The following CACNA1C variants were observed in gnomAD, a reference collection of about 807,000 sequenced individuals.
CACNA1C encodes voltage-dependent L-type calcium channel subunit alpha-1C.
CACNA1C carries 30 observed loss-of-function variants against 229.0 expected under a neutral mutation model. That is an observed-to-expected ratio of 0.13 (90% CI 0.10 to 0.18). CACNA1C has a LOEUF of 0.18. Among genes scored for constraint, CACNA1C ranks in the 10% least tolerant of loss-of-function variants. The pLI, the probability that CACNA1C is intolerant of heterozygous loss-of-function variation, is 1.00. For missense variants in CACNA1C, 1,658 were observed against 2,845.0 expected (o/e 0.58, Z 9.49); for synonymous variants, 1,114 against 1,132.5 (o/e 0.98, Z 0.33).
intron 5 of CACNA1C, among the ~76,000 whole-genome samples, chr12:2,458,154 T>A (rs1027177875): frequency 6.6e-6 from 1 of 152,252 alleles, no homozygotes; most frequent in Non-Finnish European, 1.5e-5. Context: ...AGTTCTGTTT[T>A]GACCTTTCTC....
chr12:2,255,273 A>C (rs2076987553), intron 3 of CACNA1C, among the ~76,000 whole-genome samples: 1 of 152,062 alleles, frequency 6.6e-6, no homozygotes, highest in African/African-American at 2.4e-5. Flanking sequence ...CTGCAGAAAA[A>C]AAAAAAAAAA....
intron 1 of CACNA1C, among the ~76,000 whole-genome samples, chr12:2,097,541 C>T (rs1460577290): frequency 3.3e-5 from 5 of 152,220 alleles, no homozygotes; most frequent in Non-Finnish European, 7.3e-5. Flanking sequence ...TCCAATTTTT[C>T]CACATGATTG....
chr12:2,049,933 C>CT (rs758672559), upstream of CACNA1C, among the ~76,000 whole-genome samples: 30 of 152,120 alleles, frequency 2.0e-4, no homozygotes, highest in Non-Finnish European at 3.7e-4. Flanking sequence ...TAGGAAATAC[C>CT]TTTTTCTGGA....
chr12:2,084,433 T>A (rs191327722), intron 1 of CACNA1C, among the ~76,000 whole-genome samples: 2 of 152,364 alleles, frequency 1.3e-5, no homozygotes, highest in East Asian at 3.9e-4. Flanking sequence ...TTACTTCATT[T>A]TCTTATAGCC....
intron 3 of CACNA1C, among the ~76,000 whole-genome samples, chr12:2,362,078 A>G (rs1316333551): frequency 6.6e-6 from 1 of 152,232 alleles, no homozygotes; most frequent in East Asian, 1.9e-4. Context: ...TTTAGTACCT[A>G]GCACACAGCT....
chr12:2,331,016 A>G (rs1226694654), intron 3 of CACNA1C, among the ~76,000 whole-genome samples: 1 of 152,156 alleles, frequency 6.6e-6, no homozygotes, highest in Non-Finnish European at 1.5e-5. Flanking sequence ...CAAACAATAA[A>G]TTTGGGAAAG....
intron 3 of CACNA1C, among the ~76,000 whole-genome samples, chr12:2,399,464 G>A (rs1418592734): frequency 6.6e-6 from 1 of 152,188 alleles, no homozygotes; most frequent in African/African-American, 2.4e-5. Context: ...AAAGGGGATG[G>A]AGTGGGAAGA....
intron 1 of CACNA1C, among the ~76,000 whole-genome samples, chr12:1,999,486 C>A (rs2041687375): frequency 6.6e-6 from 1 of 152,146 alleles, no homozygotes. Flanking sequence ...CTGAGGCAGG[C>A]AGGAGGATCG....
At chr12:2,086,879 T>A (rs2067901095) in intron 1 of CACNA1C, among the ~76,000 whole-genome samples, 1 of 152,180 alleles carries the variant, frequency 6.6e-6, no homozygotes, top group South Asian at 2.1e-4. Context: ...CCACGGCAGC[T>A]GGAAAATGTA....
At chr12:2,540,216 G>T (rs1036535357) in intron 9 of CACNA1C, among the ~76,000 whole-genome samples, 1 of 152,206 alleles carries the variant, frequency 6.6e-6, no homozygotes, top group African/African-American at 2.4e-5. Flanking sequence ...GGGAAGGAGA[G>T]TGGGTCTGAG....
chr12:2,623,600 G>A (rs1186952343), intron 29 of CACNA1C, among the ~76,000 whole-genome samples: 2 of 152,060 alleles, frequency 1.3e-5, no homozygotes. Context: ...TGATGGAAAT[G>A]TCTCATCCTT....
intron 3 of CACNA1C, among the ~76,000 whole-genome samples, chr12:2,425,355 A>G (rs565240851): frequency 6.6e-6 from 1 of 152,380 alleles, no homozygotes; most frequent in Non-Finnish European, 1.5e-5. Flanking sequence ...TAATCATATA[A>G]GCGAAAATGT....
Position 1,997,271 on chromosome 12 carries a change from G to A in CACNA1C, c.139+26070G>A, listed in dbSNP as rs374519356. Among the ~76,000 whole-genome samples, 141 of 152,356 alleles carry A rather than the reference G, an allele frequency of 9.3e-4. 1 individual carries two copies. Among genetic ancestry groups the A allele is most frequent in the African/African-American group, 3.2e-3 (135 of 41,586 alleles). ...CAGCCAGGTGCGGTGGCTCACGCCT[G>A]TAATCCCAGCACTTTAGGAGGCCAA... On this transcript the variant is annotated intron_variant, in intron 1 of 46. Coordinates refer to the CACNA1C transcript ENST00000682462.
At chr12:2,430,564 C>T (rs2154558244) in intron 3 of CACNA1C, among the ~76,000 whole-genome samples, 1 of 149,972 alleles carries the variant, frequency 6.7e-6, no homozygotes, top group African/African-American at 2.5e-5. Context: ...CTGACTCAGT[C>T]TGGGAGGTGG....
chr12:2,336,564 C>T (rs1479564042), intron 3 of CACNA1C, among the ~76,000 whole-genome samples: 1 of 152,196 alleles, frequency 6.6e-6, no homozygotes, highest in African/African-American at 2.4e-5. Context: ...GAGATGAGGG[C>T]TTAAAGGGGA....
intron 3 of CACNA1C, among the ~76,000 whole-genome samples, chr12:2,211,885 A>T (rs1167810957): frequency 6.6e-6 from 1 of 151,022 alleles, no homozygotes; most frequent in Non-Finnish European, 1.5e-5. Flanking sequence ...CTCCCGGCTA[A>T]TTTTTTTGTA....
intron 1 of CACNA1C, among the ~76,000 whole-genome samples, chr12:2,059,793 A>G (rs2154515255): frequency 6.6e-6 from 1 of 152,272 alleles, no homozygotes. Flanking sequence ...CAGGGATGTA[A>G]CTAAATACAA....
intron 1 of CACNA1C, among the ~76,000 whole-genome samples, chr12:2,032,842 A>G (rs935544302): frequency 1.3e-5 from 2 of 152,232 alleles, no homozygotes; most frequent in African/African-American, 4.8e-5. Flanking sequence ...AATCAGAAAT[A>G]TTTATAGAAC....
At chr12:2,063,153 C>CT (rs200249420) in intron 1 of CACNA1C, among the ~76,000 whole-genome samples, 3,132 of 143,536 alleles carry the variant, frequency 0.022, 57 homozygotes, top group South Asian at 0.08. Flanking sequence ...ATAATAATTC[C>CT]TTTTTTTTTT....
Sources: gnomAD v4.1 joint callset for allele counts (sites outside exome capture counted in the v4.1 genomes callset) on GRCh38, gnomAD v4.1.1 for gene constraint, MANE v1.5 for transcripts, NCBI Gene and HGNC (gene_info 2026-07-23, HGNC 2026-07-21) for gene names.